The following PCDHGA4 variants were observed in gnomAD, a reference collection of about 807,000 sequenced individuals.
PCDHGA4 encodes the protein protocadherin gamma subfamily A, 4.
Under a neutral mutation model 54.6 loss-of-function variants are expected in PCDHGA4, and 38 were observed. The ratio of observed to expected loss-of-function variants is 0.70; its 90% confidence interval spans 0.54 to 0.91. The LOEUF is 0.91. Among genes scored for constraint, PCDHGA4 ranks in the 40% least tolerant of loss-of-function variants. PCDHGA4 has a pLI of 0.00. For missense variants in PCDHGA4, 1,298 were observed against 1,220.9 expected (o/e 1.06, Z -0.94); for synonymous variants, 511 against 512.9 (o/e 1.00, Z 0.05).
At chr5:141,446,922 T>G (rs939249512) in intron 1 of PCDHGA4, among the ~76,000 whole-genome samples, 1 of 152,220 alleles carries the variant, frequency 6.6e-6, no homozygotes, top group Non-Finnish European at 1.5e-5. Context: ...TTTATCTTCC[T>G]GATCTCTTTT....
Position 141,372,663 on chromosome 5 carries a change from G to A in PCDHGA4, c.2514+15042G>A, listed in dbSNP as rs971560361. 2.5e-6 allele frequency: 4 copies of A among 1,613,876 alleles called. No homozygotes were observed. In the African/African-American group the frequency reaches 5.3e-5, roughly 22 times the overall value. On this transcript the variant is annotated intron_variant, in intron 1 of 3. Coordinates refer to ENST00000571252, the MANE Select transcript of PCDHGA4 (RefSeq NM_018917.4). ...GCCTTATTCCTACAATCCGTGTGCT[G>A]CCTCACATTCCTCAAACACCGAGTT...
chr5:141,421,243 C>A (rs201273667), intron 1 of PCDHGA4: 1 of 1,601,658 alleles, frequency 6.2e-7, no homozygotes. Flanking sequence ...GAATCGGCTA[C>A]AGCGCGGGGA....
rs764363553 is a variant in PCDHGA4 at position 141,432,120 on chromosome 5, A to C, written c.2515-62687A>C. The C allele has an allele frequency of 1.2e-6, 2 of 1,613,978 alleles. No homozygotes were observed. Among genetic ancestry groups the C allele is most frequent in the African/African-American group, 2.7e-5 (2 of 74,894 alleles). ...AACGACAACCCGCCGGTCTTCCCTC[A>C]GGCCTCCTATTCCGCTTATATCCCA... On this transcript the variant is annotated intron_variant, in intron 1 of 3. Transcript: ENST00000571252. The surrounding 1 kb of genome is among the most constrained non-coding windows in gnomAD (Gnocchi z 6.0).
Position 141,407,403 on chromosome 5 carries a change from A to G in PCDHGA4, c.2514+49782A>G, listed in dbSNP as rs964260933. 2.0e-5 allele frequency among the ~76,000 whole-genome samples: 3 copies of G among 152,220 alleles called. No individual in the cohort carries two copies. In the East Asian group the frequency reaches 5.8e-4, roughly 29 times the overall value. Reference sequence around the variant, plus strand: ...TTGTATGTCATGGTAGGTAGTTACTATTCGATACCACAAAAATGTCTCTTG... The same window carrying G: ...TTGTATGTCATGGTAGGTAGTTACTGTTCGATACCACAAAAATGTCTCTTG... On this transcript the variant is annotated intron_variant, in intron 1 of 3. Transcript: ENST00000571252.
intron 1 of PCDHGA4, chr5:141,390,100 C>G: frequency 6.2e-7 from 1 of 1,614,060 alleles, no homozygotes; most frequent in South Asian, 1.1e-5. Context: ...GTGGTTCCCC[C>G]CAACTACAGC....
chr5:141,357,773 T>A (rs1338680393), intron 1 of PCDHGA4, 152 bp downstream of exon 1: 18 of 917,442 alleles, frequency 2.0e-5, no homozygotes, highest in Admixed American at 2.9e-5. Flanking sequence ...CTTCCAATAA[T>A]GATCAACAGT....
In PCDHGA4 at chr5:141,432,039, G is replaced by A; in HGVS notation, c.2515-62768G>A. 1 of 1,614,176 alleles carries A rather than the reference G, an allele frequency of 6.2e-7. No individual in the cohort carries two copies. The highest frequency in any genetic ancestry group is 8.5e-7 in the Non-Finnish European group (1 of 1,180,028). ...AACATCACAGTGACCGCCACTGACC[G>A]GGGAACCCCGCCCCTATCCACGGAA... On this transcript the variant is annotated intron_variant, in intron 1 of 3. Coordinates refer to ENST00000571252, the MANE Select transcript of PCDHGA4 (RefSeq NM_018917.4). This position sits in a 1 kb window ranked among gnomAD's most constrained non-coding sequence, Gnocchi z 6.0.
intron 1 of PCDHGA4, chr5:141,375,531 A>G: frequency 1.2e-6 from 2 of 1,614,040 alleles, no homozygotes; most frequent in Non-Finnish European, 1.7e-6. Context: ...GACGTGGACC[A>G]GAACGCCCAA....
chr5:141,365,615 AC>A (rs1215729204), intron 1 of PCDHGA4: 1 of 1,613,178 alleles, frequency 6.2e-7, no homozygotes, highest in Non-Finnish European at 8.5e-7. Context: ...GGACCATGGA[AC>A]CCCGCCCCTC....
At chr5:141,484,916 CCTG>C (rs34524370) in intron 1 of PCDHGA4, 64,782 of 456,708 alleles carry the variant, frequency 0.14, 4,878 homozygotes, top group African/African-American at 0.18. Context: ...ACGCATTAAC[CCTG>C]CTGCTGTTGG....
intron 1 of PCDHGA4, chr5:141,364,609 G>A (rs759783763): frequency 2.5e-6 from 4 of 1,614,190 alleles, no homozygotes; most frequent in Non-Finnish European, 3.4e-6. Flanking sequence ...TAGACCGGGA[G>A]GAGCTCTGCG....
At chr5:141,492,026 G>T in intron 1 of PCDHGA4, 1 of 567,198 alleles carries the variant, frequency 1.8e-6, no homozygotes, top group Non-Finnish European at 3.0e-6. Flanking sequence ...GGGGTCCCGG[G>T]AGGAGGCAGT....
chr5:141,402,829 T>G (rs921784924), intron 1 of PCDHGA4: 4 of 1,341,920 alleles, frequency 3.0e-6, no homozygotes, highest in Admixed American at 5.9e-5. Context: ...GCTCCCAGGC[T>G]GCAGCAAAAC....
At chr5:141,387,837 T>G (rs2091115137) in intron 1 of PCDHGA4, 1 of 1,597,490 alleles carries the variant, frequency 6.3e-7, no homozygotes, top group African/African-American at 1.3e-5. Flanking sequence ...AGGTTATTTG[T>G]AACCCGGCGT....
At chr5:141,361,078 T>TA in intron 1 of PCDHGA4, 1 of 1,614,004 alleles carries the variant, frequency 6.2e-7, no homozygotes, top group Non-Finnish European at 8.5e-7. Context: ...TGCAAGTAGT[T>TA]ACACTCTGAG....
Position 141,431,145 on chromosome 5 carries a change from A to G in PCDHGA4, c.2515-63662A>G. The G allele has an allele frequency of 1.2e-6, 2 of 1,614,244 alleles. No homozygotes were observed. Among genetic ancestry groups the G allele is most frequent in the Non-Finnish European group, 1.7e-6 (2 of 1,180,042 alleles). On this transcript the variant is annotated intron_variant, in intron 1 of 3. Transcript: ENST00000571252. The surrounding 1 kb of genome is among the most constrained non-coding windows in gnomAD (Gnocchi z 4.8). ...GTAGAAGTAAGGGACATTAACGACA[A>G]TGCGCCTTACTTTCGTGAAAGTGAA... is the stretch of plus-strand genomic sequence containing the variant.
At chr5:141,423,102 C>T (rs778561065) in intron 1 of PCDHGA4, 7 of 1,613,920 alleles carry the variant, frequency 4.3e-6, no homozygotes, top group Non-Finnish European at 4.2e-6. Context: ...AGCACACGGG[C>T]GAGGTGCGTA....
chr5:141,393,739 A>G (rs1589203711), intron 1 of PCDHGA4: 1 of 1,613,800 alleles, frequency 6.2e-7, no homozygotes, highest in Non-Finnish European at 8.5e-7. Flanking sequence ...AGTCTAGATT[A>G]TGAAGAATGT....
At position 141,463,610 on chromosome 5, in the gene PCDHGA4, G is replaced by T. The variant is rs189991450; in HGVS notation, c.2515-31197G>T. Among the ~76,000 whole-genome samples, 263 of 151,786 alleles carry T rather than the reference G, an allele frequency of 1.7e-3. 1 individual carries two copies. The highest frequency in any genetic ancestry group is 3.4e-3 in the Middle Eastern group (1 of 292). ...ACTACAGGTGCCTGCCACCATGCCC[G>T]GCTAATTTTTTGTATTTTGTTTAGT... On this transcript the variant is annotated intron_variant, in intron 1 of 3. Transcript: ENST00000571252.
Sources: gnomAD v4.1 joint callset for allele counts (sites outside exome capture counted in the v4.1 genomes callset) on GRCh38, gnomAD v4.1.1 for gene constraint, Gnocchi (gnomAD v3.1) non-coding constraint, MANE v1.5 for transcripts, NCBI Gene and HGNC (gene_info 2026-07-23, HGNC 2026-07-21) for gene names.